The following KIAA0232 variants were observed in gnomAD, a reference collection of about 807,000 sequenced individuals.
The protein encoded by KIAA0232 is KIAA0232, also known as uncharacterized protein KIAA0232.
A neutral mutation model predicts 122.0 loss-of-function variants in KIAA0232; 27 were observed. The observed-to-expected ratio is 0.22, with a 90% CI of 0.16 to 0.31. The LOEUF (loss-of-function observed/expected upper bound fraction) is 0.31, where lower values mean the gene tolerates loss of function less well. Ranked by LOEUF, KIAA0232 falls within the 10% of genes least tolerant of loss-of-function variation. The probability of loss-of-function intolerance (pLI) is 1.00; values close to 1 mark genes in which losing one functional copy is unlikely to be tolerated. For synonymous variants in KIAA0232, 613 were observed against 587.6 expected, an observed-to-expected ratio of 1.04 and a Z score of -0.63; for missense variants, 1,551 against 1,634.2, an observed-to-expected ratio of 0.95 and a Z score of 0.88.
In KIAA0232 at chr4:6,806,436, CAG is replaced by C. The variant is rs1717616245; in HGVS notation, c.-270+1831_-270+1832del. ...AGTACAATTAAACAATAAGTTCAAA[CAG>C]TAACAAAACAATAAGAGGCCTGGCG... On this transcript the variant is annotated intron_variant, in intron 2 of 9. Transcript: ENST00000307659. 2.0e-5 allele frequency among the ~76,000 whole-genome samples: 3 copies of C among 152,126 alleles called. No homozygotes were observed. The South Asian group carries it at 6.2e-4, about 32-fold the overall frequency.
At position 6,876,719 on chromosome 4, in the gene KIAA0232, A is replaced by T; in HGVS notation, c.3970A>T (p.Thr1324Ser). The T allele has an allele frequency of 1.2e-6, 2 of 1,613,260 alleles. No individual in the cohort carries two copies. Residue 1324 changes from threonine to serine, a missense_variant, in exon 9 of 10, where the codon ACA (threonine) becomes TCA (serine). Thr to Ser is a moderately conservative substitution (Grantham distance 58). Around this residue, in one of 5 missense-constraint regions of KIAA0232, gnomAD observed 1,108 missense variants for 1,154.8 expected, o/e 0.96. Coordinates refer to ENST00000307659, the MANE Select transcript of KIAA0232 (RefSeq NM_014743.3). ...GLEEYPDAKE[T>S]PSNEERLLDF... is the part of the protein sequence containing the mutation. The stretch of plus-strand genomic sequence containing the variant: ...AGAAGAATATCCAGATGCTAAAGAG[A>T]CACCCAGTAATGAAGAGCGCCTGTT...
At chr4:6,789,343 G>C (rs2108863534) in intron 1 of KIAA0232, among the ~76,000 whole-genome samples, 1 of 148,276 alleles carries the variant, frequency 6.7e-6, no homozygotes, top group East Asian at 2.0e-4. Context: ...GCGTGATCTT[G>C]GCTTACTGCA....
chr4:6,840,929 C>A (rs948361215), intron 3 of KIAA0232, among the ~76,000 whole-genome samples: 3 of 151,982 alleles, frequency 2.0e-5, no homozygotes, highest in African/African-American at 7.3e-5. Context: ...ATTAACAATT[C>A]AATGCTGTTA....
At chr4:6,834,797 A>G (rs1719176597) in intron 3 of KIAA0232, among the ~76,000 whole-genome samples, 1 of 152,248 alleles carries the variant, frequency 6.6e-6, no homozygotes, top group Admixed American at 6.5e-5. Context: ...TATAGATAGA[A>G]TGAACCTGGA....
At chr4:6,790,351 T>G (rs186793610) in intron 1 of KIAA0232, among the ~76,000 whole-genome samples, 75 of 151,538 alleles carry the variant, frequency 4.9e-4, no homozygotes, top group African/African-American at 1.7e-3. Flanking sequence ...TTCAAGCCCT[T>G]CCTTTTTTTA....
chr4:6,804,230 A>T (rs1717513019), intron 1 of KIAA0232, among the ~76,000 whole-genome samples: 4 of 152,178 alleles, frequency 2.6e-5, no homozygotes, highest in Admixed American at 2.6e-4. Flanking sequence ...TGTTTGTTAA[A>T]TACAGGTATT....
At chr4:6,792,112 T>C (rs191651498) in intron 1 of KIAA0232, among the ~76,000 whole-genome samples, 344 of 152,334 alleles carry the variant, frequency 2.3e-3, no homozygotes, top group Non-Finnish European at 3.8e-3. Context: ...ATGAAACCTC[T>C]TTCCTTTCTA....
At chr4:6,787,165 G>T (rs1318414004) in intron 1 of KIAA0232, among the ~76,000 whole-genome samples, 8 of 119,794 alleles carry the variant, frequency 6.7e-5, no homozygotes, top group Non-Finnish European at 1.1e-4. Context: ...TGGCGACAGA[G>T]CAAGGCTCTC....
chr4:6,863,485 C>G lies in KIAA0232; in HGVS notation c.3103C>G (p.Leu1035Val), dbSNP rs1720998986. ...CGNFQVEDPGLEYSFSSFDLS... is the reference protein window; with the variant it reads ...CGNFQVEDPGVEYSFSSFDLS... The stretch of plus-strand genomic sequence containing the variant: ...CAACTTTCAAGTCGAAGATCCTGGA[C>G]TTGAATACTCATTTTCTTCCTTTGA... The change falls in exon 7 of 10, where the codon CTT (leucine) becomes GTT (valine). Residue 1035 changes from leucine to valine, a missense_variant. Transcript: ENST00000307659. 6.2e-7 allele frequency: 1 copy of G among 1,614,142 alleles called. No homozygotes were observed. Among genetic ancestry groups the G allele is most frequent in the African/African-American group, 1.3e-5 (1 of 75,042 alleles).
At chr4:6,812,958 A>T (rs1204151134) in intron 2 of KIAA0232, among the ~76,000 whole-genome samples, 2 of 152,216 alleles carry the variant, frequency 1.3e-5, no homozygotes, top group African/African-American at 4.8e-5. Context: ...TGTATTACAA[A>T]AAAGGGAACT....
intron 4 of KIAA0232, among the ~76,000 whole-genome samples, chr4:6,842,798 AG>A (rs1719734462): frequency 6.6e-6 from 1 of 152,070 alleles, no homozygotes; most frequent in South Asian, 2.1e-4. Flanking sequence ...CATGTTGGCC[AG>A]GCTGGTCTTG....
chr4:6,857,982 C>A (rs1431355718), intron 5 of KIAA0232, among the ~76,000 whole-genome samples: 1 of 152,176 alleles, frequency 6.6e-6, no homozygotes, highest in Non-Finnish European at 1.5e-5. Context: ...CCTTGCTCAC[C>A]TACATGTTAA....
At chr4:6,870,781 G>C (rs768512251) in intron 7 of KIAA0232, among the ~76,000 whole-genome samples, 8 of 148,798 alleles carry the variant, frequency 5.4e-5, no homozygotes, top group Non-Finnish European at 1.0e-4. Flanking sequence ...CAGCCTGGGT[G>C]ACAGAGTGAG....
At chr4:6,806,877 C>T (rs1717640561) in intron 2 of KIAA0232, among the ~76,000 whole-genome samples, 2 of 151,724 alleles carry the variant, frequency 1.3e-5, no homozygotes, top group South Asian at 4.2e-4. Context: ...GAAAGCTTTT[C>T]CCTTTTATTT....
intron 9 of KIAA0232, among the ~76,000 whole-genome samples, chr4:6,877,914 C>T (rs559092866): frequency 2.6e-5 from 4 of 152,264 alleles, no homozygotes; most frequent in African/African-American, 9.6e-5. Context: ...AATTTGAACC[C>T]ATACACATCT....
intron 3 of KIAA0232, 114 bp from the exon 4 acceptor site, chr4:6,841,952 TA>T: frequency 8.2e-7 from 1 of 1,224,806 alleles, no homozygotes; most frequent in Non-Finnish European, 1.1e-6. Flanking sequence ...AAGCCGATCC[TA>T]AAACTCGTAT....
intron 9 of KIAA0232, 111 bp downstream of exon 9, chr4:6,876,868 G>T: frequency 1.4e-6 from 1 of 710,614 alleles, no homozygotes. Context: ...CCTCTCCCAG[G>T]AACCAGCCAG....
chr4:6,840,051 A>G (rs967385021), intron 3 of KIAA0232, among the ~76,000 whole-genome samples: 31 of 152,078 alleles, frequency 2.0e-4, no homozygotes, highest in African/African-American at 7.5e-4. Context: ...CTTACGGGGG[A>G]AAAAAGACTC....
intron 3 of KIAA0232, among the ~76,000 whole-genome samples, chr4:6,837,765 C>A (rs1254241114): frequency 6.6e-6 from 1 of 152,184 alleles, no homozygotes; most frequent in East Asian, 1.9e-4. Context: ...ATACAAAAAC[C>A]AGTCAGGCGT....
Sources: gnomAD v4.1 joint callset for allele counts (sites outside exome capture counted in the v4.1 genomes callset) on GRCh38, gnomAD v4.1.1 for gene constraint, gnomAD v4.1.1 regional missense constraint, MANE v1.5 for transcripts, NCBI Gene and HGNC (gene_info 2026-07-23, HGNC 2026-07-21) for gene names.